The following DPYSL3 variants were observed in gnomAD, a reference collection of about 807,000 sequenced individuals.
The protein encoded by DPYSL3 is dihydropyrimidinase like 3.
A neutral mutation model predicts 66.1 loss-of-function variants in DPYSL3; 16 were observed. That is an observed-to-expected ratio of 0.24 (90% confidence interval 0.16 to 0.37). The LOEUF is 0.37. DPYSL3 is among the 10% of genes least tolerant of loss of function. DPYSL3 has a pLI of 1.00. For missense variants in DPYSL3, 738 were observed against 916.2 expected, an observed-to-expected ratio of 0.81 and a Z score of 2.51; for synonymous variants, 338 against 345.1, an observed-to-expected ratio of 0.98 and a Z score of 0.23.
At chr5:147,420,500 G>C (rs780611313) in intron 2 of DPYSL3, among the ~76,000 whole-genome samples, 36 of 152,140 alleles carry the variant, frequency 2.4e-4, no homozygotes, top group Non-Finnish European at 4.4e-4. Flanking sequence ...CCCGGGGGAA[G>C]ACAGCATGAT....
chr5:147,495,981 C>A (rs1291903372), intron 1 of DPYSL3, among the ~76,000 whole-genome samples: 6 of 152,116 alleles, frequency 3.9e-5, no homozygotes, highest in Non-Finnish European at 8.8e-5. Flanking sequence ...AGGCATCATG[C>A]TACCTGACTT....
intron 1 of DPYSL3, among the ~76,000 whole-genome samples, chr5:147,443,652 T>G (rs1215951609): frequency 6.6e-6 from 1 of 151,854 alleles, no homozygotes; most frequent in East Asian, 1.9e-4. Context: ...ACTCTGAAAG[T>G]ATGAATTTTA....
chr5:147,400,510 A>AT (rs1758138892), intron 10 of DPYSL3, among the ~76,000 whole-genome samples, 182 bp downstream of exon 10: 1 of 152,196 alleles, frequency 6.6e-6, no homozygotes, highest in Non-Finnish European at 1.5e-5. Context: ...AGGCCTTAGG[A>AT]TTCATCACAC....
chr5:147,437,878 G>T (rs1225790130), intron 1 of DPYSL3, among the ~76,000 whole-genome samples: 2 of 152,186 alleles, frequency 1.3e-5, no homozygotes, highest in Non-Finnish European at 2.9e-5. Flanking sequence ...CAATAAATGT[G>T]AGTTCCTTTA....
chr5:147,426,679 T>C (rs1452361756), intron 1 of DPYSL3, among the ~76,000 whole-genome samples: 1 of 152,178 alleles, frequency 6.6e-6, no homozygotes, highest in African/African-American at 2.4e-5. Flanking sequence ...AAAGAGGATA[T>C]AAAGTTTATG....
In DPYSL3 at chr5:147,509,678, C is replaced by G; in HGVS notation, c.181G>C (p.Gly61Arg). ...DFDALSVGQR[G>R]AKTPRSGQGS... Reference sequence around the variant, plus strand: ...TGGCCGCTCCGAGGAGTCTTCGCGCCCCGCTGCCCCACGCTGAGGGCATCG... The same window carrying G: ...TGGCCGCTCCGAGGAGTCTTCGCGCGCCGCTGCCCCACGCTGAGGGCATCG... Residue 61 changes from glycine (G) to arginine (R), a missense_variant, in exon 1 of 14, where the codon GGC (glycine) becomes CGC (arginine). Gly to Arg is a moderately radical substitution (Grantham distance 125). Coordinates refer to ENST00000343218, the MANE Select transcript of DPYSL3 (RefSeq NM_001197294.2). This position sits in a 1 kb window ranked among gnomAD's most constrained non-coding sequence, Gnocchi z 5.3. 6.5e-7 allele frequency: 1 copy of G among 1,535,880 alleles called. No homozygotes were observed. Among genetic ancestry groups the G allele is most frequent in the Middle Eastern group, 1.7e-4 (1 of 5,986 alleles).
At chr5:147,420,493 G>A (rs981050797) in intron 2 of DPYSL3, among the ~76,000 whole-genome samples, 7 of 152,100 alleles carry the variant, frequency 4.6e-5, no homozygotes, top group Non-Finnish European at 8.8e-5. Context: ...AAAAGGTCCC[G>A]GGGGAAGACA....
At chr5:147,409,418 G>A (rs920602201) in intron 6 of DPYSL3, among the ~76,000 whole-genome samples, 2 of 152,214 alleles carry the variant, frequency 1.3e-5, no homozygotes, top group African/African-American at 4.8e-5. Flanking sequence ...CCACTCAGGA[G>A]TTTTGATGTT....
intron 1 of DPYSL3, among the ~76,000 whole-genome samples, chr5:147,427,527 T>C (rs985589265): frequency 6.6e-6 from 1 of 152,226 alleles, no homozygotes; most frequent in Non-Finnish European, 1.5e-5. Flanking sequence ...CTTTGTGATA[T>C]ACTATTTTAA....
chr5:147,498,451 G>A (rs1753554451), intron 1 of DPYSL3, among the ~76,000 whole-genome samples: 1 of 152,058 alleles, frequency 6.6e-6, no homozygotes, highest in African/African-American at 2.4e-5. Context: ...TGGGTGTATA[G>A]CCAGTAATGA....
chr5:147,464,797 T>C (rs964328663), intron 1 of DPYSL3, among the ~76,000 whole-genome samples: 1 of 152,104 alleles, frequency 6.6e-6, no homozygotes, highest in African/African-American at 2.4e-5. Flanking sequence ...AGGACAATAA[T>C]GGGTCTTACT....
intron 1 of DPYSL3, among the ~76,000 whole-genome samples, chr5:147,459,241 G>A (rs150002805): frequency 6.0e-4 from 91 of 152,068 alleles, no homozygotes; most frequent in African/African-American, 1.9e-3. Flanking sequence ...ACATTTATAT[G>A]TTGCTGTCTT....
intron 1 of DPYSL3, among the ~76,000 whole-genome samples, chr5:147,438,452 G>A (rs1331594246): frequency 2.0e-5 from 3 of 152,212 alleles, no homozygotes; most frequent in East Asian, 1.9e-4. Context: ...AGGTTTCTTC[G>A]CCTTCAATAA....
At chr5:147,442,809 T>C (rs1363333283) in intron 1 of DPYSL3, among the ~76,000 whole-genome samples, 1 of 151,120 alleles carries the variant, frequency 6.6e-6, no homozygotes, top group East Asian at 1.9e-4. Context: ...GCGTAAACAA[T>C]ATGTGGAATC....
intron 1 of DPYSL3, among the ~76,000 whole-genome samples, chr5:147,478,995 A>G (rs1753200536): frequency 6.6e-6 from 1 of 152,176 alleles, no homozygotes; most frequent in African/African-American, 2.4e-5. Flanking sequence ...AGTGTCTGGC[A>G]TCTAATAGGT....
intron 2 of DPYSL3, among the ~76,000 whole-genome samples, chr5:147,419,992 AGT>A (rs1313795130): frequency 6.6e-6 from 1 of 152,154 alleles, no homozygotes. Flanking sequence ...TTTGACAACT[AGT>A]TTAATACCAA....
rs1758053727 is a variant in DPYSL3, at chr5:147,398,183, G to A, written c.1624-338C>T. 2.0e-5 allele frequency among the ~76,000 whole-genome samples: 3 copies of A among 152,176 alleles called. No homozygotes were observed. In the South Asian group the frequency reaches 6.2e-4, roughly 31 times the overall value. On this transcript the variant is annotated intron_variant, in intron 11 of 13. Coordinates refer to ENST00000343218, the MANE Select transcript of DPYSL3 (RefSeq NM_001197294.2). ...TTGAGCAGGTGGGCAGAGAGGTTATGTGGCCTTTAGGTCCCTCTAGCTCCA... is the reference window on the plus strand; with the variant it reads ...TTGAGCAGGTGGGCAGAGAGGTTATATGGCCTTTAGGTCCCTCTAGCTCCA...
chr5:147,494,815 C>A (rs949083798), intron 1 of DPYSL3, among the ~76,000 whole-genome samples: 2 of 150,462 alleles, frequency 1.3e-5, no homozygotes, highest in Non-Finnish European at 3.0e-5. Context: ...GGAGGCAGAG[C>A]TTGCAGTGAG....
Position 147,397,708 on chromosome 5 carries a change from C to G in DPYSL3, c.1761G>C (p.Pro587=). 1 of 1,614,122 alleles carries G rather than the reference C, an allele frequency of 6.2e-7. No homozygotes were observed. The highest frequency in any genetic ancestry group is 8.5e-7 in the Non-Finnish European group (1 of 1,180,016). Residue 587 remains proline, a synonymous_variant, in exon 12 of 14, where the codon CCG becomes CCC. Coordinates refer to ENST00000343218, the MANE Select transcript of DPYSL3 (RefSeq NM_001197294.2). ...QGAGRFIPCS[P]FSDYVYKRIK... Reference sequence around the variant, plus strand: ...TGCGCTTGTAGACATAGTCGGAGAACGGGCTGCAGGGTATGAAGCGGCCAG... The same window carrying G: ...TGCGCTTGTAGACATAGTCGGAGAAGGGGCTGCAGGGTATGAAGCGGCCAG...
Sources: gnomAD v4.1 joint callset for allele counts (sites outside exome capture counted in the v4.1 genomes callset) on GRCh38, gnomAD v4.1.1 for gene constraint, Gnocchi (gnomAD v3.1) non-coding constraint, MANE v1.5 for transcripts, NCBI Gene and HGNC (gene_info 2026-07-23, HGNC 2026-07-21) for gene names.